The following RAF1 variants were observed in gnomAD, a reference collection of about 807,000 sequenced individuals.
RAF1 encodes Raf-1 proto-oncogene, serine/threonine kinase.
Under a neutral mutation model 81.1 loss-of-function variants are expected in RAF1, and 27 were observed. The ratio of observed to expected loss-of-function variants is 0.33; its 90% CI spans 0.25 to 0.46. RAF1 has a LOEUF of 0.46. Ranked by LOEUF, RAF1 falls within the 20% of genes least tolerant of loss-of-function variation. The pLI is 1.00. For missense variants in RAF1, 598 were observed against 826.0 expected (o/e 0.72, Z 3.38); for synonymous variants, 298 against 294.0 (o/e 1.01, Z -0.14).
intron 11 of RAF1, among the ~76,000 whole-genome samples, chr3:12,593,265 G>T (rs545269311): frequency 6.6e-6 from 1 of 152,028 alleles, no homozygotes; most frequent in Admixed American, 6.6e-5. Context: ...TTTTTGGGTG[G>T]AGATGGGGTT....
Position 12,599,586 on chromosome 3 carries a change from A to G in RAF1, c.1168+105T>C, listed in dbSNP as rs2058792238. ...CAAGTATGTAAGGGAGAGTACTGCT[A>G]TAAGCCCAGGAGCACTCAGTCCTCT... On this transcript the variant is annotated intron_variant, in intron 11 of 17. Transcript: ENST00000442415. 4.9e-6 allele frequency: 4 copies of G among 824,022 alleles called. No homozygotes were observed. The South Asian group carries it at 5.4e-5, about 11-fold the overall frequency. The allele number at this position is 824,022 out of a possible 1,614,324, so 51.0% of individuals were successfully genotyped here.
chr3:12,662,964 T>G (rs1027505888), intron 1 of RAF1, among the ~76,000 whole-genome samples: 1 of 152,018 alleles, frequency 6.6e-6, no homozygotes, highest in Non-Finnish European at 1.5e-5. Flanking sequence ...CCACTTAGAT[T>G]AAGTGACCCC....
intron 1 of RAF1, among the ~76,000 whole-genome samples, chr3:12,662,395 A>G (rs1032501620): frequency 2.0e-5 from 3 of 149,940 alleles, no homozygotes; most frequent in African/African-American, 7.5e-5. Flanking sequence ...CTGAAAAAAT[A>G]AAAAAAAATT....
At chr3:12,612,737 TAAGA>T (rs1325596340) in intron 2 of RAF1, among the ~76,000 whole-genome samples, 5 of 152,040 alleles carry the variant, frequency 3.3e-5, no homozygotes, top group South Asian at 2.1e-4. Context: ...AAGAGACAGT[TAAGA>T]AAGTGGTTAG....
chr3:12,624,897 A>T (rs73021006), intron 1 of RAF1, among the ~76,000 whole-genome samples: 1 of 139,030 alleles, frequency 7.2e-6, no homozygotes, highest in Non-Finnish European at 1.5e-5. Context: ...AAAAAAAAAA[A>T]AAAAACAAAA....
chr3:12,602,847 T>C (rs1029377505), intron 8 of RAF1, among the ~76,000 whole-genome samples: 1 of 152,182 alleles, frequency 6.6e-6, no homozygotes, highest in Non-Finnish European at 1.5e-5. Flanking sequence ...GCAGCAGGTG[T>C]CTACATGATG....
intron 1 of RAF1, among the ~76,000 whole-genome samples, chr3:12,623,567 GCAGA>G (rs2059610816): frequency 6.6e-6 from 1 of 152,040 alleles, no homozygotes; most frequent in Non-Finnish European, 1.5e-5. Flanking sequence ...GGAGGCCGAG[GCAGA>G]TGGATCACGA....
chr3:12,601,451 A>AT (rs757330701), intron 8 of RAF1, among the ~76,000 whole-genome samples: 9 of 152,200 alleles, frequency 5.9e-5, no homozygotes, highest in Non-Finnish European at 1.0e-4. Flanking sequence ...AGAGGGCTCT[A>AT]TGAGACCTAA....
At chr3:12,604,934 G>T (rs1049425481) in intron 6 of RAF1, among the ~76,000 whole-genome samples, 2 of 152,120 alleles carry the variant, frequency 1.3e-5, no homozygotes, top group African/African-American at 4.8e-5. Context: ...TTCGTTCGAG[G>T]TTTGTTCAGA....
rs1402737771 is a variant in RAF1 at position 12,599,675 on chromosome 3, AG to A, written c.1168+15del. The A allele has an allele frequency of 6.3e-7, 1 of 1,579,016 alleles. No homozygotes were observed. Among genetic ancestry groups the A allele is most frequent in the Non-Finnish European group, 8.7e-7 (1 of 1,147,948 alleles). On this transcript the variant is annotated intron_variant, in intron 11 of 17. Transcript: ENST00000442415. ...CCAAAGCCCTGCAGTTAGTAAAGGG[AG>A]GGCCCCAAGCTTACCGTGCCATTTA...
chr3:12,652,994 G>A (rs2060580105), intron 1 of RAF1, among the ~76,000 whole-genome samples: 1 of 150,794 alleles, frequency 6.6e-6, no homozygotes, highest in African/African-American at 2.4e-5. Flanking sequence ...AAAATTAAAT[G>A]ATGTTGGCTG....
chr3:12,634,087 G>A (rs1038389749), intron 1 of RAF1, among the ~76,000 whole-genome samples: 8 of 151,450 alleles, frequency 5.3e-5, no homozygotes, highest in Non-Finnish European at 1.5e-5. Context: ...GTGAGGGACA[G>A]AACTAGAGAG....
rs2125322599 is a variant in RAF1, at chr3:12,585,209, G to A, written c.1641C>T (p.Phe547=). The A allele has an allele frequency of 6.2e-7, 1 of 1,614,132 alleles. No homozygotes were observed. Among genetic ancestry groups the A allele is most frequent in the Non-Finnish European group, 8.5e-7 (1 of 1,180,034 alleles). Residue 547 remains phenylalanine, a synonymous_variant, in exon 16 of 18, where the codon TTC becomes TTT. Transcript: ENST00000442415. ...TGCCATAGGAGTAGACATCCGACTGGAAACTGAATGGGTTGTTATCCTGCA... is the reference window on the plus strand; with the variant it reads ...TGCCATAGGAGTAGACATCCGACTGAAAACTGAATGGGTTGTTATCCTGCA...
chr3:12,600,406 G>A lies in RAF1; in HGVS notation c.904C>T (p.Arg302Ter), dbSNP rs755926381. ...AAAGTACCTGATTCGCTGTGACTTC[G>A]AATTGCATCCTGAAACAGAAAAGGA... Residue 302 changes from arginine to a stop codon, truncating the protein, a stop_gained, in exon 9 of 18, where the codon CGA becomes TGA. Coordinates refer to ENST00000442415, the MANE Select transcript of RAF1 (RefSeq NM_001354689.3). LOFTEE classifies it high-confidence loss of function. 3 of 1,614,118 alleles carry A rather than the reference G, an allele frequency of 1.9e-6. No homozygotes were observed. Among genetic ancestry groups the A allele is most frequent in the Non-Finnish European group, 1.7e-6 (2 of 1,180,008 alleles).
chr3:12,608,419 C>T, intron 5 of RAF1: 2 of 262,962 alleles, frequency 7.6e-6, no homozygotes, highest in East Asian at 8.4e-5. Context: ...AAATACAGAG[C>T]AGTGTCTACT....
chr3:12,589,122 A>C (rs2058422464), intron 13 of RAF1: 1 of 153,290 alleles, frequency 6.5e-6, no homozygotes, highest in African/African-American at 2.4e-5. Context: ...CCCCGAGTCA[A>C]ATAAACCTCT....
chr3:12,662,173 A>AT (rs111237709), intron 1 of RAF1, among the ~76,000 whole-genome samples: 59,678 of 147,856 alleles, frequency 0.4, 13,058 homozygotes, highest in East Asian at 0.89. Flanking sequence ...CATCTCTACT[A>AT]TTTTTTTTTT....
intron 11 of RAF1, 89 bp from the exon 11 acceptor site, chr3:12,591,881 T>G (rs2058525477): frequency 1.9e-6 from 2 of 1,058,800 alleles, no homozygotes; most frequent in Non-Finnish European, 2.9e-6. Flanking sequence ...AGTGAATCAT[T>G]TATCCAAAGA....
chr3:12,597,938 T>C (rs978039825), intron 11 of RAF1, among the ~76,000 whole-genome samples: 2 of 149,422 alleles, frequency 1.3e-5, no homozygotes, highest in African/African-American at 5.0e-5. Context: ...AAATAAATAT[T>C]CTACAACAGT....
Sources: allele counts gnomAD v4.1 joint callset (sites outside exome capture counted in the v4.1 genomes callset), GRCh38; gene constraint gnomAD v4.1.1; transcripts MANE v1.5; gene names NCBI Gene and HGNC (gene_info 2026-07-23, HGNC 2026-07-21).